AATF: variants seen among roughly 807,000 people sequenced by gnomAD.
The protein encoded by AATF is protein AATF.
AATF carries 48 observed loss-of-function variants against 63.7 expected under a neutral mutation model. That is an observed-to-expected ratio of 0.75 (90% confidence interval 0.60 to 0.96). The LOEUF is 0.96. Among genes scored for constraint, AATF ranks in the 40% least tolerant of loss-of-function variants. The pLI, the probability that AATF is intolerant of heterozygous loss-of-function variation, is 0.00. For synonymous variants in AATF, 258 were observed against 247.7 expected (o/e 1.04, Z -0.39); for missense variants, 639 against 685.7 (o/e 0.93, Z 0.76).
intron 11 of AATF, among the ~76,000 whole-genome samples, chr17:37,053,463 A>G (rs1368002937): frequency 6.6e-6 from 1 of 152,188 alleles, no homozygotes; most frequent in African/African-American, 2.4e-5. Context: ...AAGAAGTATG[A>G]TAAGGGTGAT....
At chr17:36,977,016 A>C (rs1305435775) in intron 4 of AATF, among the ~76,000 whole-genome samples, 1 of 152,212 alleles carries the variant, frequency 6.6e-6, no homozygotes, top group Non-Finnish European at 1.5e-5. Flanking sequence ...AAAATAAAGA[A>C]AATGTTGTTT....
chr17:36,986,538 G>C, intron 4 of AATF, 79 bp from the exon 5 acceptor site: 1 of 1,145,054 alleles, frequency 8.7e-7, no homozygotes, highest in Non-Finnish European at 1.3e-6. Flanking sequence ...AACTGCTCAG[G>C]AGTCATGAGT....
At chr17:37,001,918 C>A (rs890511591) in intron 8 of AATF, among the ~76,000 whole-genome samples, 3 of 152,022 alleles carry the variant, frequency 2.0e-5, no homozygotes, top group Admixed American at 6.6e-5. Context: ...ATAGAAAGTA[C>A]CAGCTAGGCA....
intron 8 of AATF, among the ~76,000 whole-genome samples, chr17:37,004,904 A>C (rs1287247740): frequency 6.6e-6 from 1 of 152,186 alleles, no homozygotes; most frequent in Non-Finnish European, 1.5e-5. Flanking sequence ...GCAGGTACTG[A>C]GATTTAACAT....
chr17:36,956,388 C>A (rs1022576936), intron 4 of AATF, among the ~76,000 whole-genome samples: 5 of 152,160 alleles, frequency 3.3e-5, no homozygotes, highest in Admixed American at 3.3e-4. Context: ...GAAAAAAATT[C>A]TTGGCCGGGT....
At chr17:37,046,435 C>A (rs184656357) in intron 11 of AATF, among the ~76,000 whole-genome samples, 1 of 152,000 alleles carries the variant, frequency 6.6e-6, no homozygotes, top group South Asian at 2.1e-4. Context: ...GGGGAGACTT[C>A]CGGGTAGGGC....
At chr17:36,972,604 G>T (rs2071047641) in intron 4 of AATF, among the ~76,000 whole-genome samples, 1 of 151,804 alleles carries the variant, frequency 6.6e-6, no homozygotes. Context: ...ATACATGTAA[G>T]TGTGTGTGTA....
intron 8 of AATF, among the ~76,000 whole-genome samples, chr17:37,005,206 A>G (rs2071332934): frequency 6.6e-6 from 1 of 152,240 alleles, no homozygotes; most frequent in Non-Finnish European, 1.5e-5. Flanking sequence ...AATATGAAAC[A>G]TTCTGAATTC....
intron 8 of AATF, among the ~76,000 whole-genome samples, chr17:36,995,946 G>T (rs1325766241): frequency 6.6e-6 from 1 of 152,140 alleles, no homozygotes; most frequent in Non-Finnish European, 1.5e-5. Flanking sequence ...TTTTAAGTCT[G>T]ATTTGAACCT....
intron 8 of AATF, among the ~76,000 whole-genome samples, chr17:36,997,709 C>G (rs1426519562): frequency 6.6e-6 from 1 of 152,188 alleles, no homozygotes; most frequent in Non-Finnish European, 1.5e-5. Context: ...TTTGATCCAG[C>G]AATCTCACTA....
intron 4 of AATF, among the ~76,000 whole-genome samples, chr17:36,957,116 C>T (rs1234003585): frequency 6.6e-6 from 1 of 152,188 alleles, no homozygotes; most frequent in Non-Finnish European, 1.5e-5. Flanking sequence ...AACTTACTGT[C>T]TTTAATTAAA....
intron 8 of AATF, among the ~76,000 whole-genome samples, chr17:37,017,018 TTTGAAAGTAAATGC>T (rs772071312): frequency 5.9e-5 from 9 of 152,220 alleles, no homozygotes; most frequent in Non-Finnish European, 1.2e-4. Flanking sequence ...ACACAAAGTG[TTTGAAAGTAAATGC>T]TGCACCAACT....
intron 4 of AATF, among the ~76,000 whole-genome samples, chr17:36,960,595 G>A (rs527525313): frequency 4.1e-4 from 62 of 152,212 alleles, no homozygotes; most frequent in African/African-American, 1.3e-3. Context: ...TTACTTAGTT[G>A]CCTTAGGTGA....
chr17:37,051,697 G>GACACACACACAC, intron 11 of AATF, among the ~76,000 whole-genome samples: 1 of 137,224 alleles, frequency 7.3e-6, no homozygotes, highest in East Asian at 2.1e-4. Context: ...CAGACAGACA[G>GACACACACACAC]ACACACACAC....
chr17:37,047,006 G>A (rs1409031736), intron 11 of AATF, among the ~76,000 whole-genome samples: 3 of 152,152 alleles, frequency 2.0e-5, no homozygotes, highest in African/African-American at 7.2e-5. Context: ...CTCTATTGCG[G>A]GGACCGTGGT....
At chr17:37,025,843 A>C (rs949634615) in intron 10 of AATF, among the ~76,000 whole-genome samples, 3 of 152,206 alleles carry the variant, frequency 2.0e-5, no homozygotes, top group African/African-American at 7.2e-5. Context: ...GGTCCACAAT[A>C]GATGCTAAAA....
intron 8 of AATF, among the ~76,000 whole-genome samples, chr17:37,016,804 C>T (rs1407587212): frequency 2.6e-5 from 4 of 151,772 alleles, no homozygotes; most frequent in South Asian, 2.1e-4. Flanking sequence ...GTAATAGCCA[C>T]GGGAATCATT....
intron 10 of AATF, among the ~76,000 whole-genome samples, chr17:37,024,532 A>C (rs1360851136): frequency 1.3e-5 from 2 of 152,242 alleles, no homozygotes; most frequent in Non-Finnish European, 2.9e-5. Context: ...AGAGAATGGC[A>C]GGAGATAAGG....
rs182607939 is a variant in AATF, at chr17:37,044,262, G to C, written c.1620-12339G>C. 2.7e-3 allele frequency among the ~76,000 whole-genome samples: 406 copies of C among 152,220 alleles called. 2 individuals are homozygous for C. Among genetic ancestry groups the C allele is most frequent in the African/African-American group, 9.0e-3 (374 of 41,514 alleles). ...ATATTATGTATAGCATCTACCACCA[G>C]GTTGTTTCCTAATTATTCATAGGTT... On this transcript the variant is annotated intron_variant, in intron 11 of 11. Transcript: ENST00000619387.
Sources: gnomAD v4.1 joint callset for allele counts (sites outside exome capture counted in the v4.1 genomes callset) on GRCh38, gnomAD v4.1.1 for gene constraint, MANE v1.5 for transcripts, NCBI Gene and HGNC (gene_info 2026-07-23, HGNC 2026-07-21) for gene names.